Variants in SPATA12 observed in about 807,000 individuals in gnomAD.
The protein encoded by SPATA12 is spermatogenesis associated 12, also known as spermatogenesis-associated protein 12.
For synonymous variants in SPATA12, 85 were observed against 89.2 expected, an observed-to-expected ratio of 0.95 and a Z score of 0.26; for missense variants, 219 against 226.4, an observed-to-expected ratio of 0.97 and a Z score of 0.21.
chr3:57,062,874 G>C (rs1213096071), intron 1 of SPATA12, among the ~76,000 whole-genome samples: 1 of 152,214 alleles, frequency 6.6e-6, no homozygotes, highest in Non-Finnish European at 1.5e-5. Flanking sequence ...GTCTGTACCA[G>C]GCAAGGCACT....
intron 1 of SPATA12, among the ~76,000 whole-genome samples, chr3:57,068,388 A>G (rs944562662): frequency 1.3e-5 from 2 of 152,240 alleles, no homozygotes; most frequent in Non-Finnish European, 2.9e-5. Flanking sequence ...TAACACATTT[A>G]TCAATGCTGC....
chr3:57,073,295 C>A (rs1371641719), intron 1 of SPATA12, 71 bp from the exon 2 acceptor site: 1 of 163,506 alleles, frequency 6.1e-6, no homozygotes, highest in Non-Finnish European at 1.3e-5. Flanking sequence ...ACTTTTAACT[C>A]TACAACTTCT....
At chr3:57,067,648 A>G (rs1705626540) in intron 1 of SPATA12, among the ~76,000 whole-genome samples, 2 of 150,792 alleles carry the variant, frequency 1.3e-5, no homozygotes, top group South Asian at 2.1e-4. Context: ...CAGCCTGGGT[A>G]ATACAGAGAG....
chr3:57,072,443 T>A (rs1370415483), intron 1 of SPATA12, among the ~76,000 whole-genome samples: 10 of 144,766 alleles, frequency 6.9e-5, no homozygotes, highest in Admixed American at 2.1e-4. Context: ...AATAAAGAAT[T>A]AAAAAAAAAA....
Position 57,074,374 on chromosome 3 carries a change from A to G in SPATA12, c.*107A>G, listed in dbSNP as rs1024726079. The G allele has an allele frequency of 5.2e-6, 5 of 955,250 alleles. No homozygotes were observed. The African/African-American group carries it at 8.2e-5, about 16-fold the overall frequency. The allele number at this position is 955,250 out of a possible 1,614,324, so 59.2% of individuals were successfully genotyped here. A position where few individuals can be genotyped will look rare whatever the true frequency, so the allele number is the denominator to read the frequency against. On this transcript the variant is annotated 3_prime_UTR_variant, in exon 2 of 2. Coordinates refer to ENST00000334325, the MANE Select transcript of SPATA12 (RefSeq NM_181727.2). Reference sequence around the variant, plus strand: ...CCCACCCCCACCAGGGGTGACTCGTAGCCATCCCTTTCTGCATCTTCTTAG... The same window carrying G: ...CCCACCCCCACCAGGGGTGACTCGTGGCCATCCCTTTCTGCATCTTCTTAG...
In SPATA12 at chr3:57,074,371, C is replaced by T. The variant is rs1706110502; in HGVS notation, c.*104C>T. ...TCCCCCACCCCCACCAGGGGTGACT[C>T]GTAGCCATCCCTTTCTGCATCTTCT... is the stretch of plus-strand genomic sequence containing the variant. On this transcript the variant is annotated 3_prime_UTR_variant, in exon 2 of 2. Coordinates refer to ENST00000334325, the MANE Select transcript of SPATA12 (RefSeq NM_181727.2). 6.2e-6 allele frequency: 6 copies of T among 964,368 alleles called. No individual in the cohort carries two copies. Among genetic ancestry groups the T allele is most frequent in the Non-Finnish European group, 9.5e-6 (6 of 630,144 alleles). 59.7% of individuals were successfully genotyped at this position (964,368 alleles called of 1,614,324 possible). A position where few individuals can be genotyped will look rare whatever the true frequency, so the allele number is the denominator to read the frequency against.
intron 1 of SPATA12, among the ~76,000 whole-genome samples, chr3:57,067,454 AAAT>A (rs10528636): frequency 0.14 from 20,158 of 140,338 alleles, 1,739 homozygotes; most frequent in South Asian, 0.19. Flanking sequence ...CTCTGTCTCA[AAAT>A]AATAATAATA....
intron 1 of SPATA12, among the ~76,000 whole-genome samples, chr3:57,073,086 A>G (rs1461964562): frequency 6.6e-6 from 1 of 152,102 alleles, no homozygotes; most frequent in East Asian, 1.9e-4. Context: ...TTGGTAAGCA[A>G]TACATACAAA....
chr3:57,066,219 C>G (rs1011061639), intron 1 of SPATA12, among the ~76,000 whole-genome samples: 19 of 151,954 alleles, frequency 1.3e-4, no homozygotes, highest in African/African-American at 4.3e-4. Context: ...GTTCTCCTAT[C>G]TGTACCAACA....
chr3:57,074,083 T>C lies in SPATA12; in HGVS notation c.389T>C (p.Leu130Pro), dbSNP rs748570721. Residue 130 changes from leucine to proline, a missense_variant, in exon 2 of 2, where the codon CTT (leucine) becomes CCT (proline). Transcript: ENST00000334325. ...QVIHNSTPQF[L>P]GMEDGDNERT... ...ATTCATAACTCTACACCTCAATTTC[T>C]TGGTATGGAAGATGGGGATAATGAG... 6.2e-7 allele frequency: 1 copy of C among 1,614,094 alleles called. No individual in the cohort carries two copies. The highest frequency in any genetic ancestry group is 8.5e-7 in the Non-Finnish European group (1 of 1,179,938).
At chr3:57,068,345 T>C (rs963101787) in intron 1 of SPATA12, among the ~76,000 whole-genome samples, 1 of 152,210 alleles carries the variant, frequency 6.6e-6, no homozygotes, top group Non-Finnish European at 1.5e-5. Flanking sequence ...ATTTTCTTCA[T>C]TAGCATTTAT....
chr3:57,070,798 AAAAT>A (rs1312169909), intron 1 of SPATA12, among the ~76,000 whole-genome samples: 3 of 151,870 alleles, frequency 2.0e-5, no homozygotes, highest in African/African-American at 7.3e-5. Context: ...GTCTCTACCA[AAAAT>A]AAATAAATAA....
rs140453243 is a variant in SPATA12, at chr3:57,069,080, G to A, written c.-329-4286G>A. Reference sequence around the variant, plus strand: ...TGGGATTACAGGCACTCACCACCACGTCTGGATAATTTTTGTATTTTTAGC... The same window carrying A: ...TGGGATTACAGGCACTCACCACCACATCTGGATAATTTTTGTATTTTTAGC... On this transcript the variant is annotated intron_variant, in intron 1 of 1. Transcript: ENST00000334325. 2.3e-3 allele frequency among the ~76,000 whole-genome samples: 351 copies of A among 152,014 alleles called. 2 individuals carry two copies. The highest frequency in any genetic ancestry group is 3.7e-3 in the Non-Finnish European group (252 of 67,980).
chr3:57,064,858 T>C (rs776127148), intron 1 of SPATA12, among the ~76,000 whole-genome samples: 2 of 152,168 alleles, frequency 1.3e-5, no homozygotes, highest in African/African-American at 4.8e-5. Context: ...TGCAGATTGG[T>C]TGCACAATAA....
intron 1 of SPATA12, among the ~76,000 whole-genome samples, chr3:57,064,393 G>A (rs1032100231): frequency 2.6e-5 from 4 of 151,230 alleles, no homozygotes; most frequent in African/African-American, 9.8e-5. Flanking sequence ...GCAAGATCAC[G>A]GCTCACTGCA....
At position 57,060,691 on chromosome 3, in the gene SPATA12, G is replaced by A. The variant is rs532730639; in HGVS notation, c.-425G>A. The A allele has an allele frequency of 6.6e-5, 10 of 152,402 alleles. No homozygotes were observed. The East Asian group carries it at 1.9e-3, about 29-fold the overall frequency. The allele number at this position is 152,402 out of a possible 1,614,324, so 9.4% of individuals were successfully genotyped here. Reference sequence around the variant, plus strand: ...AGTCACTGAGAAAATTCTTTGTGCAGGCTCACCTTCCCCTCATCTCCCCCA... The same window carrying A: ...AGTCACTGAGAAAATTCTTTGTGCAAGCTCACCTTCCCCTCATCTCCCCCA... On this transcript the variant is annotated 5_prime_UTR_variant, in exon 1 of 2. Transcript: ENST00000334325.
At chr3:57,063,676 G>A (rs1280898362) in intron 1 of SPATA12, among the ~76,000 whole-genome samples, 1 of 152,238 alleles carries the variant, frequency 6.6e-6, no homozygotes, top group Middle Eastern at 3.4e-3. Context: ...ACAAGGCTTC[G>A]AGGAAGAGAA....
In SPATA12 at chr3:57,073,389, A is replaced by G. The variant is rs1310357573; in HGVS notation, c.-306A>G. ...AGCCAAAAGGGAAGGAAAGAGAGAG[A>G]AAGCCACTGGAGTTGGGCAGCGTGG... is the stretch of plus-strand genomic sequence containing the variant. On this transcript the variant is annotated 5_prime_UTR_variant, in exon 2 of 2. Transcript: ENST00000334325. 3.2e-6 allele frequency: 1 copy of G among 314,136 alleles called. No individual in the cohort carries two copies. The highest frequency in any genetic ancestry group is 4.5e-5 in the Admixed American group (1 of 22,362). 19.5% of individuals were successfully genotyped at this position (314,136 alleles called of 1,614,324 possible).
chr3:57,067,348 G>A (rs6445849), intron 1 of SPATA12, among the ~76,000 whole-genome samples: 107,740 of 151,218 alleles, frequency 0.71, 38,618 homozygotes, highest in Admixed American at 0.75. Flanking sequence ...CCAGTTACTC[G>A]GGAGGCTGAG....
Sources: allele counts gnomAD v4.1 joint callset (sites outside exome capture counted in the v4.1 genomes callset), GRCh38; gene constraint gnomAD v4.1.1; transcripts MANE v1.5; gene names NCBI Gene and HGNC (gene_info 2026-07-23, HGNC 2026-07-21).